Variants in FGFR2 observed in about 807,000 individuals in gnomAD.
The protein encoded by FGFR2 is fibroblast growth factor receptor 2, also known as BEK fibroblast growth factor receptor.
Under a neutral mutation model 95.9 loss-of-function variants are expected in FGFR2, and 19 were observed. The observed-to-expected ratio is 0.20, with a 90% CI of 0.14 to 0.29. The LOEUF is 0.29. Among genes scored for constraint, FGFR2 ranks in the 10% least tolerant of loss-of-function variants. The pLI, the probability that FGFR2 is intolerant of heterozygous loss-of-function variation, is 1.00. For synonymous variants in FGFR2, 392 were observed against 393.3 expected (o/e 1.00, Z 0.04); for missense variants, 707 against 1,056.9 (o/e 0.67, Z 4.59).
chr10:121,561,934 GA>G (rs1286998523), intron 4 of FGFR2, among the ~76,000 whole-genome samples: 5 of 152,214 alleles, frequency 3.3e-5, no homozygotes, highest in Non-Finnish European at 7.3e-5. Flanking sequence ...TTAATCATAT[GA>G]AAAGATGCTT....
rs1850033029 is a variant in FGFR2 at position 121,518,672 on chromosome 10, G to A, written c.940-1209C>T. ...TTTTTAAAAAAAGACAAAAATGAAA[G>A]CATTGTTACCTTGCTGTTTTGGCAG... On this transcript the variant is annotated intron_variant, in intron 7 of 17. Coordinates refer to ENST00000358487, the MANE Select transcript of FGFR2 (RefSeq NM_000141.5). The surrounding 1 kb of genome is among the most constrained non-coding windows in gnomAD (Gnocchi z 4.0). The A allele has an allele frequency of 1.2e-6, 2 of 1,614,140 alleles. No homozygotes were observed. The highest frequency in any genetic ancestry group is 2.7e-5 in the African/African-American group (2 of 75,046).
At chr10:121,482,272 GGTTTCTTCCCCCCCTTGAACC>G in intron 17 of FGFR2, 1 of 1,161,102 alleles carries the variant, frequency 8.6e-7, no homozygotes, top group Non-Finnish European at 1.3e-6. Context: ...GAAGAAAGTT[GGTTTCTTCCCCCCCTTGAACC>G]GTTCCTTTCC....
In FGFR2 at chr10:121,492,161, T is replaced by C. The variant is rs538213698; in HGVS notation, c.1864-4048A>G. 2.6e-5 allele frequency among the ~76,000 whole-genome samples: 4 copies of C among 152,150 alleles called. No individual in the cohort carries two copies. In the South Asian group the frequency reaches 8.3e-4, roughly 32 times the overall value. On this transcript the variant is annotated intron_variant, in intron 13 of 17. Coordinates refer to ENST00000358487, the MANE Select transcript of FGFR2 (RefSeq NM_000141.5). ...ACTGCACTCCAGCCAGGTGACAGAG[T>C]GAGACCCTGTCTCAAAAACAAAAAC...
intron 1 of FGFR2, among the ~76,000 whole-genome samples, chr10:121,594,817 T>C (rs1267958630): frequency 1.3e-5 from 2 of 152,206 alleles, no homozygotes; most frequent in African/African-American, 4.8e-5. Flanking sequence ...ATAATGATGA[T>C]GTAAATTATG....
chr10:121,561,378 C>T (rs1346486179), intron 4 of FGFR2, among the ~76,000 whole-genome samples: 11 of 149,876 alleles, frequency 7.3e-5, no homozygotes, highest in Middle Eastern at 3.4e-3. Context: ...GAGCTGAGAT[C>T]GCACCATTGC....
At chr10:121,568,563 G>T (rs1858054323) in intron 2 of FGFR2, among the ~76,000 whole-genome samples, 1 of 151,416 alleles carries the variant, frequency 6.6e-6, no homozygotes, top group Admixed American at 6.6e-5. Flanking sequence ...CTGACCCTCA[G>T]ATAAGGTGCA....
chr10:121,579,647 G>A (rs1246151549), intron 2 of FGFR2, among the ~76,000 whole-genome samples: 5 of 152,168 alleles, frequency 3.3e-5, no homozygotes, highest in Admixed American at 1.3e-4. Context: ...ATATTTGCAT[G>A]TGGGGCACAG....
intron 5 of FGFR2, 102 bp from the exon 6 acceptor site, chr10:121,538,817 G>A: frequency 6.7e-7 from 1 of 1,482,344 alleles, no homozygotes; most frequent in East Asian, 2.3e-5. Context: ...GGCAAGAAAG[G>A]TATGGAAGAA....
intron 2 of FGFR2, among the ~76,000 whole-genome samples, chr10:121,571,293 CCTTT>C: frequency 1.1e-5 from 1 of 87,110 alleles, no homozygotes; most frequent in Admixed American, 1.6e-4. Flanking sequence ...CCGTGCCTGG[CCTTT>C]TTTTTTTTTT....
chr10:121,595,864 T>A (rs886742609), intron 1 of FGFR2, among the ~76,000 whole-genome samples: 5 of 152,210 alleles, frequency 3.3e-5, no homozygotes, highest in African/African-American at 1.2e-4. Context: ...TCCCGCTAGC[T>A]GGCACTAGAA....
At chr10:121,520,505 T>A (rs1850389524) in intron 6 of FGFR2, among the ~76,000 whole-genome samples, 1 of 152,204 alleles carries the variant, frequency 6.6e-6, no homozygotes, top group Non-Finnish European at 1.5e-5. Flanking sequence ...GGAGGGAAGC[T>A]TCTTCACTTA....
chr10:121,489,776 T>G (rs1174888716), intron 13 of FGFR2, among the ~76,000 whole-genome samples: 2 of 152,210 alleles, frequency 1.3e-5, no homozygotes, highest in African/African-American at 4.8e-5. Flanking sequence ...TTCCCATGTG[T>G]CCACACCATG....
rs1032395077 is a variant in FGFR2 at position 121,496,655 on chromosome 10, C to T, written c.1740G>A (p.Arg580=). ...GNLREYLRAR[R]PPGMEYSYDI... ...CATAGGAGTACTCCATCCCGGGTGGCCTCCGGGCTCGGAGGTATTCTCGGA... is the reference window on the plus strand; with the variant it reads ...CATAGGAGTACTCCATCCCGGGTGGTCTCCGGGCTCGGAGGTATTCTCGGA... The change falls in exon 13 of 18, where the codon AGG becomes AGA. Residue 580 remains arginine (R), a synonymous_variant. Transcript: ENST00000358487. 1.2e-6 allele frequency: 2 copies of T among 1,612,366 alleles called. No homozygotes were observed. The highest frequency in any genetic ancestry group is 1.3e-5 in the African/African-American group (1 of 74,740).
chr10:121,522,508 A>G (rs995648969), intron 6 of FGFR2, among the ~76,000 whole-genome samples: 1 of 152,110 alleles, frequency 6.6e-6, no homozygotes, highest in African/African-American at 2.4e-5. Context: ...GTGAGCCACG[A>G]TCATGCCATT....
chr10:121,540,968 GC>G (rs927618506), intron 5 of FGFR2, among the ~76,000 whole-genome samples: 18 of 152,240 alleles, frequency 1.2e-4, no homozygotes, highest in Admixed American at 3.9e-4. Context: ...GGCATATGCA[GC>G]TTGGCTCACT....
chr10:121,479,874 C>T lies in FGFR2; in HGVS notation c.2449G>A (p.Gly817Ser), dbSNP rs144176428. Residue 817 changes from glycine (G) to serine (S), a missense_variant, in exon 18 of 18, where the codon GGC becomes AGC. This residue lies in a region of FGFR2 where 51 missense variants were observed against 50.2 expected (regional missense o/e 1.01). Coordinates refer to ENST00000358487, the MANE Select transcript of FGFR2 (RefSeq NM_000141.5). Reference sequence around the variant, plus strand: ...ACAGTCATTCATGTTTTAACACTGCCGTTTATGTGTGGATACTGAGGAAGG... The same window carrying T: ...ACAGTCATTCATGTTTTAACACTGCTGTTTATGTGTGGATACTGAGGAAGG... ...PCLPQYPHIN[G>S]SVKT 5.6e-5 allele frequency: 90 copies of T among 1,613,916 alleles called. No individual in the cohort carries two copies. Among genetic ancestry groups the T allele is most frequent in the Middle Eastern group, 1.6e-4 (1 of 6,084 alleles).
chr10:121,525,199 A>T (rs1370930488), intron 6 of FGFR2, among the ~76,000 whole-genome samples: 1 of 152,224 alleles, frequency 6.6e-6, no homozygotes, highest in African/African-American at 2.4e-5. Flanking sequence ...TCTGAGGTTC[A>T]GCAGGTTGCA....
intron 5 of FGFR2, among the ~76,000 whole-genome samples, chr10:121,548,184 GAAAGGAGAGGACCACGCC>G (rs1854808258): frequency 7.0e-6 from 1 of 143,446 alleles, no homozygotes; most frequent in Non-Finnish European, 1.5e-5. Context: ...CAGAGAACCA[GAAAGGAGAGGACCACGCC>G]AGCACACTGC....
At chr10:121,535,427 C>G (rs1329022028) in intron 6 of FGFR2, among the ~76,000 whole-genome samples, 1 of 152,194 alleles carries the variant, frequency 6.6e-6, no homozygotes, top group Non-Finnish European at 1.5e-5. Flanking sequence ...ACGGACAAAC[C>G]TGCTGTTCAT....
Sources: gnomAD v4.1 joint callset for allele counts (sites outside exome capture counted in the v4.1 genomes callset) on GRCh38, gnomAD v4.1.1 for gene constraint, gnomAD v4.1.1 regional missense constraint, Gnocchi (gnomAD v3.1) non-coding constraint, MANE v1.5 for transcripts, NCBI Gene and HGNC (gene_info 2026-07-23, HGNC 2026-07-21) for gene names.